ACTL8: variants seen among roughly 807,000 people sequenced by gnomAD.
The protein encoded by ACTL8 is actin-like protein 8.
In ACTL8, 3 loss-of-function variants were observed where a neutral mutation model predicts 9.3. The observed-to-expected ratio is 0.32, with a 90% CI of 0.15 to 0.83. The LOEUF is 0.83. Ranked by LOEUF, ACTL8 falls within the 40% of genes least tolerant of loss-of-function variation. ACTL8 has a pLI of 0.57. For synonymous variants in ACTL8, 224 were observed against 205.9 expected, an observed-to-expected ratio of 1.09 and a Z score of -0.75; for missense variants, 381 against 492.2, an observed-to-expected ratio of 0.77 and a Z score of 2.14.
chr1:17,782,813 C>T (rs2066166198), intron 1 of ACTL8, among the ~76,000 whole-genome samples: 1 of 152,234 alleles, frequency 6.6e-6, no homozygotes, highest in Non-Finnish European at 1.5e-5. Context: ...AAGCACTTTA[C>T]TGATGTACAC....
At chr1:17,783,061 C>T (rs1465787630) in intron 1 of ACTL8, among the ~76,000 whole-genome samples, 2 of 152,168 alleles carry the variant, frequency 1.3e-5, no homozygotes, top group Admixed American at 1.3e-4. Context: ...GCCCCATAGG[C>T]CCACCAAGAA....
intron 1 of ACTL8, among the ~76,000 whole-genome samples, chr1:17,770,181 A>G (rs1414793014): frequency 6.6e-6 from 1 of 152,214 alleles, no homozygotes. Context: ...CTCTCTCCAG[A>G]TTACTTCCTC....
chr1:17,767,325 G>A lies in ACTL8; in HGVS notation c.-25+11821G>A, dbSNP rs77623618. ...CGACTTCGCTGCTGGAGACAGAGCC[G>A]GGGGATGAGGCGGAGGCAGGGGGGC... On this transcript the variant is annotated intron_variant, in intron 1 of 2. Coordinates refer to ENST00000375406, the MANE Select transcript of ACTL8 (RefSeq NM_030812.3). The surrounding 1 kb of genome is among the most constrained non-coding windows in gnomAD (Gnocchi z 4.7). Among the ~76,000 whole-genome samples, 2,197 of 152,226 alleles carry A rather than the reference G, an allele frequency of 0.014. 65 individuals are homozygous for A. Among genetic ancestry groups the A allele is most frequent in the African/African-American group, 0.048 (2,013 of 41,524 alleles).
At chr1:17,765,910 C>T (rs755667929) in intron 1 of ACTL8, among the ~76,000 whole-genome samples, 14 of 152,218 alleles carry the variant, frequency 9.2e-5, no homozygotes, top group Non-Finnish European at 8.8e-5. Context: ...GAGGTTCCCT[C>T]GAGACCTCTC....
At chr1:17,796,812 T>G (rs768774764) in intron 1 of ACTL8, among the ~76,000 whole-genome samples, 4 of 152,164 alleles carry the variant, frequency 2.6e-5, no homozygotes, top group Non-Finnish European at 5.9e-5. Context: ...TTGCAACGAG[T>G]AGGGAGGTTT....
intron 1 of ACTL8, among the ~76,000 whole-genome samples, chr1:17,798,892 G>C (rs1470191726): frequency 6.6e-6 from 1 of 152,210 alleles, no homozygotes; most frequent in Non-Finnish European, 1.5e-5. Flanking sequence ...CACTAGTCTT[G>C]TGCTATTTAA....
At chr1:17,781,086 G>A (rs2066151547) in intron 1 of ACTL8, among the ~76,000 whole-genome samples, 2 of 152,134 alleles carry the variant, frequency 1.3e-5, no homozygotes, top group Admixed American at 6.5e-5. Context: ...TCTGGCAGAG[G>A]ATCCTTCCTT....
In ACTL8 at chr1:17,826,568, C is replaced by G; in HGVS notation, c.*49C>G. 3 of 1,454,290 alleles carry G rather than the reference C, an allele frequency of 2.1e-6. No individual in the cohort carries two copies. The highest frequency in any genetic ancestry group is 2.7e-6 in the Non-Finnish European group (3 of 1,095,760). 90.1% of individuals were successfully genotyped at this position (1,454,290 alleles called of 1,614,324 possible). A position where few individuals can be genotyped will look rare whatever the true frequency, so the allele number is the denominator to read the frequency against. ...TGGGCTCCTGTTAGATGGGCACGGG[C>G]GGATTAATTTTAGCAAAATGTTCTG... On this transcript the variant is annotated 3_prime_UTR_variant, in exon 3 of 3. Coordinates refer to ENST00000375406, the MANE Select transcript of ACTL8 (RefSeq NM_030812.3). This position sits in a 1 kb window ranked among gnomAD's most constrained non-coding sequence, Gnocchi z 4.5.
intron 1 of ACTL8, among the ~76,000 whole-genome samples, chr1:17,789,388 C>A (rs538154416): frequency 3.9e-5 from 6 of 152,310 alleles, no homozygotes; most frequent in African/African-American, 1.4e-4. Flanking sequence ...CCTCTCAGTG[C>A]CCCTTGCATG....
intron 1 of ACTL8, among the ~76,000 whole-genome samples, chr1:17,784,249 A>G (rs1003666081): frequency 1.1e-4 from 16 of 152,242 alleles, no homozygotes; most frequent in Middle Eastern, 3.4e-3. Context: ...GGGAATTGCT[A>G]CATGCTTTTA....
intron 1 of ACTL8, among the ~76,000 whole-genome samples, chr1:17,819,994 G>A (rs1037049690): frequency 8.6e-5 from 13 of 151,664 alleles, no homozygotes; most frequent in African/African-American, 2.2e-4. Context: ...GCGCAAGAGC[G>A]AGATCCTGTC....
At position 17,823,357 on chromosome 1, in the gene ACTL8, G is replaced by A; in HGVS notation, c.348+1G>A. 6.2e-7 allele frequency: 1 copy of A among 1,610,824 alleles called. No homozygotes were observed. The highest frequency in any genetic ancestry group is 1.1e-5 in the South Asian group (1 of 90,864). ...TGCGGACCGAAAGAAGATGCTGGAG[G>A]TGAGGCCTGCCGGGGCCTGCTCCCA... On this transcript the variant is annotated splice_donor_variant, in intron 2 of 2. Transcript: ENST00000375406. LOFTEE classifies it high-confidence loss of function. The surrounding 1 kb of genome is among the most constrained non-coding windows in gnomAD (Gnocchi z 5.3).
chr1:17,793,355 C>A (rs557797687), intron 1 of ACTL8, among the ~76,000 whole-genome samples: 14 of 152,290 alleles, frequency 9.2e-5, no homozygotes, highest in Admixed American at 2.6e-4. Flanking sequence ...ACAGCCTGTG[C>A]AAAAGGTTTT....
intron 1 of ACTL8, among the ~76,000 whole-genome samples, chr1:17,757,418 G>A (rs1446976556): frequency 6.6e-6 from 1 of 152,168 alleles, no homozygotes; most frequent in Non-Finnish European, 1.5e-5. Flanking sequence ...CATGGAATGG[G>A]GGCAGTTGTT....
intron 1 of ACTL8, among the ~76,000 whole-genome samples, chr1:17,801,849 T>C (rs971676469): frequency 6.6e-6 from 1 of 152,244 alleles, no homozygotes; most frequent in African/African-American, 2.4e-5. Context: ...GAAAATACAA[T>C]GTTAGCATTC....
chr1:17,809,921 C>T (rs1441198779), intron 1 of ACTL8, among the ~76,000 whole-genome samples: 1 of 152,170 alleles, frequency 6.6e-6, no homozygotes, highest in Non-Finnish European at 1.5e-5. Context: ...TTATCTTCCA[C>T]AAAACCAGTC....
rs990688298 is a variant in ACTL8 at position 17,767,193 on chromosome 1, G to C, written c.-25+11689G>C. Among the ~76,000 whole-genome samples the C allele has an allele frequency of 6.6e-6, 1 of 152,138 alleles. No individual in the cohort carries two copies. Among genetic ancestry groups the C allele is most frequent in the East Asian group, 1.9e-4 (1 of 5,172 alleles). ...AGAGCAGCGTCTGCAAAGGCCCTGC[G>C]GTGGGACTGTGGAGGCCTGCTCTGG... On this transcript the variant is annotated intron_variant, in intron 1 of 2. Coordinates refer to ENST00000375406, the MANE Select transcript of ACTL8 (RefSeq NM_030812.3). This position sits in a 1 kb window ranked among gnomAD's most constrained non-coding sequence, Gnocchi z 4.7.
At chr1:17,783,142 C>G (rs2066168544) in intron 1 of ACTL8, among the ~76,000 whole-genome samples, 2 of 152,132 alleles carry the variant, frequency 1.3e-5, no homozygotes, top group Non-Finnish European at 2.9e-5. Flanking sequence ...AGTAGCCCAA[C>G]AATCATTCAG....
intron 1 of ACTL8, among the ~76,000 whole-genome samples, chr1:17,819,951 G>A (rs1294796255): frequency 6.6e-6 from 1 of 152,016 alleles, no homozygotes; most frequent in African/African-American, 2.4e-5. Flanking sequence ...TGAGGCTGAA[G>A]TGAGACGCGA....
Sources: allele counts gnomAD v4.1 joint callset (sites outside exome capture counted in the v4.1 genomes callset), GRCh38; gene constraint gnomAD v4.1.1; non-coding constraint Gnocchi (gnomAD v3.1); transcripts MANE v1.5; gene names NCBI Gene and HGNC (gene_info 2026-07-23, HGNC 2026-07-21).